Variants in CAST observed in about 807,000 individuals in gnomAD.
The protein encoded by CAST is MIR583 host.
Under a neutral mutation model 119.6 loss-of-function variants are expected in CAST, and 76 were observed. The observed-to-expected ratio is 0.64, with a 90% CI of 0.53 to 0.77. The LOEUF is 0.77. Among genes scored for constraint, CAST ranks in the 30% least tolerant of loss-of-function variants. The pLI, the probability that CAST is intolerant of heterozygous loss-of-function variation, is 0.00. For synonymous variants in CAST, 319 were observed against 331.6 expected (o/e 0.96, Z 0.41); for missense variants, 953 against 946.5 (o/e 1.01, Z -0.09).
the CAST span, among the ~76,000 whole-genome samples, chr5:96,487,817 T>C: frequency 6.6e-6 from 1 of 152,230 alleles, no homozygotes; most frequent in Non-Finnish European, 1.5e-5. Flanking sequence ...TTCTATTCTG[T>C]CATTGCTGTA....
intron 1 of CAST, among the ~76,000 whole-genome samples, chr5:96,556,118 A>G (rs1483558962): frequency 1.3e-5 from 2 of 152,224 alleles, no homozygotes; most frequent in African/African-American, 2.4e-5. Context: ...GTGGACCTCC[A>G]GAAAACTCCA....
the CAST span, among the ~76,000 whole-genome samples, chr5:96,358,335 T>C: frequency 2.0e-5 from 3 of 152,220 alleles, no homozygotes; most frequent in Admixed American, 6.5e-5. Context: ...TCTCCTTTAG[T>C]TCTGCTCTGA....
the CAST span, among the ~76,000 whole-genome samples, chr5:96,487,891 G>T: frequency 6.6e-6 from 1 of 152,130 alleles, no homozygotes; most frequent in African/African-American, 2.4e-5. Context: ...TGGGGTATAT[G>T]CCATTATACA....
At chr5:96,260,267 G>A in the CAST span, among the ~76,000 whole-genome samples, 2 of 152,184 alleles carry the variant, frequency 1.3e-5, no homozygotes, top group Admixed American at 1.3e-4. Flanking sequence ...TAAAACCGGA[G>A]AGCAAGGCTG....
In CAST at chr5:96,722,670, C is replaced by G. The variant is rs1263929249; in HGVS notation, c.242C>G (p.Ser81Cys). 2 of 1,613,414 alleles carry G rather than the reference C, an allele frequency of 1.2e-6. No homozygotes were observed. Among genetic ancestry groups the G allele is most frequent in the South Asian group, 1.1e-5 (1 of 91,074 alleles). The change falls in exon 4 of 32, where the codon TCT (serine) becomes TGT (cysteine). Residue 81 changes from serine to cysteine, a missense_variant. By Grantham distance (112) the Ser-to-Cys change is moderately radical (BLOSUM62 -1). Coordinates refer to ENST00000675179, the MANE Select transcript of CAST (RefSeq NM_001750.7). ...VSASSGATSK[S>C]SSMNPTETKA... ...GCTTCCTCTGGTGCAACCAGCAAGT[C>G]TTCCAGTATGAATCCCACAGAAACC... is the stretch of plus-strand genomic sequence containing the variant.
chr5:96,616,376 C>T (rs1054571018), intron 1 of CAST, among the ~76,000 whole-genome samples: 12 of 152,282 alleles, frequency 7.9e-5, no homozygotes, highest in South Asian at 2.1e-4. Flanking sequence ...TGAGGTCCTA[C>T]TGAAGAGTCA....
chr5:96,421,423 C>T, the CAST span, among the ~76,000 whole-genome samples: 1 of 152,176 alleles, frequency 6.6e-6, no homozygotes, highest in African/African-American at 2.4e-5. Flanking sequence ...TGGCCATGCT[C>T]TTCTGAGAGA....
At chr5:96,597,132 G>T (rs953394235) in intron 1 of CAST, among the ~76,000 whole-genome samples, 2 of 152,170 alleles carry the variant, frequency 1.3e-5, no homozygotes, top group African/African-American at 4.8e-5. Context: ...GCATCATCCT[G>T]TACTTTTAGG....
chr5:96,532,306 T>C (rs1019335842), intron 1 of CAST, among the ~76,000 whole-genome samples: 11 of 152,214 alleles, frequency 7.2e-5, no homozygotes, highest in African/African-American at 2.7e-4. Context: ...CTCTTGTCTT[T>C]GTTTGCACAA....
At chr5:96,692,406 G>A (rs958887342) in intron 2 of CAST, among the ~76,000 whole-genome samples, 2 of 152,148 alleles carry the variant, frequency 1.3e-5, no homozygotes, top group African/African-American at 4.8e-5. Flanking sequence ...AGAAACTGAT[G>A]ATCCCAAACT....
chr5:96,307,667 C>A, the CAST span, among the ~76,000 whole-genome samples: 55 of 152,270 alleles, frequency 3.6e-4, no homozygotes, highest in Admixed American at 1.8e-3. Context: ...AATCTCCCAG[C>A]ATTTACTTGT....
At chr5:96,324,017 T>C in the CAST span, among the ~76,000 whole-genome samples, 5 of 152,220 alleles carry the variant, frequency 3.3e-5, no homozygotes, top group Non-Finnish European at 5.9e-5. Flanking sequence ...TAAAATGTTA[T>C]AGGACATGAA....
chr5:95,972,104 G>T, the CAST span, among the ~76,000 whole-genome samples: 1 of 151,290 alleles, frequency 6.6e-6, no homozygotes, highest in Non-Finnish European at 1.5e-5. Context: ...GGACTACAGG[G>T]CATGCCACCA....
the CAST span, among the ~76,000 whole-genome samples, chr5:96,226,493 A>T: frequency 6.6e-6 from 1 of 152,076 alleles, no homozygotes; most frequent in African/African-American, 2.4e-5. Context: ...TCTATAAAAA[A>T]TACAAAAAAT....
intron 1 of CAST, among the ~76,000 whole-genome samples, chr5:96,551,583 G>T (rs1402631742): frequency 6.6e-6 from 1 of 152,046 alleles, no homozygotes; most frequent in Non-Finnish European, 1.5e-5. Flanking sequence ...AACCTTAAAT[G>T]TAAATGGGCT....
At chr5:96,306,057 G>T in the CAST span, among the ~76,000 whole-genome samples, 1 of 152,118 alleles carries the variant, frequency 6.6e-6, no homozygotes, top group Admixed American at 6.5e-5. Flanking sequence ...TTAGAATTTG[G>T]CTGTGAATCC....
the CAST span, among the ~76,000 whole-genome samples, chr5:96,018,138 T>G: frequency 3.3e-5 from 5 of 152,348 alleles, no homozygotes; most frequent in South Asian, 1.0e-3. Context: ...TACATTGACG[T>G]CATGCAGAAG....
chr5:96,394,972 G>T, the CAST span: 1 of 1,613,802 alleles, frequency 6.2e-7, no homozygotes, highest in Non-Finnish European at 8.5e-7. Context: ...AAGAGGTCCC[G>T]TGCAAAATCA....
the CAST span, among the ~76,000 whole-genome samples, chr5:96,039,385 C>G: frequency 6.6e-6 from 1 of 152,130 alleles, no homozygotes; most frequent in East Asian, 1.9e-4. Context: ...TAATTAGATC[C>G]AGTTTGTCAA....
Sources: allele counts gnomAD v4.1 joint callset (sites outside exome capture counted in the v4.1 genomes callset), GRCh38; gene constraint gnomAD v4.1.1; transcripts MANE v1.5; gene names NCBI Gene and HGNC (gene_info 2026-07-23, HGNC 2026-07-21).